The following STXBP5L variants were observed in gnomAD, a reference collection of about 807,000 sequenced individuals.
The protein encoded by STXBP5L is syntaxin-binding protein 5-like.
A neutral mutation model predicts 144.5 loss-of-function variants in STXBP5L; 65 were observed. That is an observed-to-expected ratio of 0.45 (90% confidence interval 0.37 to 0.55). STXBP5L has a LOEUF of 0.55. STXBP5L is among the 20% of genes least tolerant of loss of function. STXBP5L has a pLI of 0.00. For synonymous variants in STXBP5L, 505 were observed against 469.6 expected, an observed-to-expected ratio of 1.08 and a Z score of -0.97; for missense variants, 1,298 against 1,405.5, an observed-to-expected ratio of 0.92 and a Z score of 1.22.
intron 22 of STXBP5L, among the ~76,000 whole-genome samples, chr3:121,393,191 A>AT (rs35499185): frequency 0.41 from 60,153 of 145,412 alleles, 12,404 homozygotes; most frequent in South Asian, 0.52. Flanking sequence ...GATGTTGAAC[A>AT]TTTTTTTTTT....
chr3:120,974,674 A>C (rs996098691), intron 3 of STXBP5L, among the ~76,000 whole-genome samples: 1 of 152,142 alleles, frequency 6.6e-6, no homozygotes, highest in Non-Finnish European at 1.5e-5. Flanking sequence ...TTATGGTTTT[A>C]GGTCTGACGT....
chr3:121,228,049 A>G (rs1220433920), intron 11 of STXBP5L, among the ~76,000 whole-genome samples: 1 of 152,220 alleles, frequency 6.6e-6, no homozygotes, highest in Non-Finnish European at 1.5e-5. Flanking sequence ...CCTGCCAAAG[A>G]TGTTAAAAAT....
At chr3:121,357,061 C>T (rs745445677) in intron 20 of STXBP5L, 27 of 190,462 alleles carry the variant, frequency 1.4e-4, no homozygotes, top group Non-Finnish European at 2.6e-4. Flanking sequence ...ACCCAAATTG[C>T]CCTTGGCCTG....
intron 19 of STXBP5L, among the ~76,000 whole-genome samples, chr3:121,298,885 T>C (rs959590865): frequency 3.3e-5 from 5 of 152,118 alleles, no homozygotes; most frequent in African/African-American, 9.7e-5. Context: ...CACTGAAAAA[T>C]TTGTTTAGAA....
At chr3:121,081,273 C>A (rs2042237123) in intron 5 of STXBP5L, among the ~76,000 whole-genome samples, 1 of 151,932 alleles carries the variant, frequency 6.6e-6, no homozygotes, top group South Asian at 2.1e-4. Context: ...TAAAAAATTT[C>A]TTTGTGTTGT....
intron 6 of STXBP5L, among the ~76,000 whole-genome samples, chr3:121,116,616 T>TA (rs1390774191): frequency 3.3e-5 from 5 of 152,092 alleles, no homozygotes; most frequent in Non-Finnish European, 7.4e-5. Flanking sequence ...GCTATTGACT[T>TA]ACAACTTTCA....
chr3:121,111,923 T>A (rs1559759620), intron 5 of STXBP5L, among the ~76,000 whole-genome samples: 1 of 152,050 alleles, frequency 6.6e-6, no homozygotes, highest in Non-Finnish European at 1.5e-5. Context: ...AATCCCTAGC[T>A]GGAGTTTCTG....
chr3:121,191,136 G>T (rs928165663), intron 9 of STXBP5L, among the ~76,000 whole-genome samples: 44 of 152,212 alleles, frequency 2.9e-4, no homozygotes, highest in Admixed American at 2.0e-3. Context: ...TCTAGACAGG[G>T]TGGCGGCCGG....
chr3:121,107,053 T>C (rs2043746462), intron 5 of STXBP5L, among the ~76,000 whole-genome samples: 1 of 152,168 alleles, frequency 6.6e-6, no homozygotes, highest in Non-Finnish European at 1.5e-5. Context: ...TGGAGAAGTT[T>C]CTGTTCATGT....
intron 20 of STXBP5L, among the ~76,000 whole-genome samples, chr3:121,353,716 T>C (rs1236461167): frequency 1.3e-5 from 2 of 152,226 alleles, no homozygotes; most frequent in Non-Finnish European, 2.9e-5. Context: ...ATTTCCTGCC[T>C]TCTGCTAGCT....
intron 20 of STXBP5L, among the ~76,000 whole-genome samples, chr3:121,367,669 T>C (rs187306819): frequency 6.7e-6 from 1 of 148,152 alleles, no homozygotes; most frequent in East Asian, 2.0e-4. Context: ...AGTGGCCTGA[T>C]TGATCATGGC....
At chr3:120,977,080 G>A (rs974112711) in intron 3 of STXBP5L, among the ~76,000 whole-genome samples, 2 of 152,186 alleles carry the variant, frequency 1.3e-5, no homozygotes, top group African/African-American at 4.8e-5. Context: ...GCAGAGCTGA[G>A]TTCAATTCCT....
chr3:121,051,329 G>C (rs912066226), intron 5 of STXBP5L, among the ~76,000 whole-genome samples: 1 of 151,956 alleles, frequency 6.6e-6, no homozygotes, highest in Non-Finnish European at 1.5e-5. Context: ...TGACCACATA[G>C]TTGGAAGTAA....
intron 9 of STXBP5L, among the ~76,000 whole-genome samples, chr3:121,183,393 C>T (rs1413669046): frequency 6.6e-6 from 1 of 152,038 alleles, no homozygotes; most frequent in African/African-American, 2.4e-5. Context: ...CCTAGAAAAC[C>T]GTAAAGACTA....
intron 12 of STXBP5L, among the ~76,000 whole-genome samples, chr3:121,236,800 A>C (rs755536079): frequency 6.6e-6 from 1 of 152,242 alleles, no homozygotes; most frequent in Non-Finnish European, 1.5e-5. Flanking sequence ...ACACAAAGTA[A>C]GTTACTTTCA....
chr3:120,944,886 A>C (rs1710766160), intron 2 of STXBP5L, among the ~76,000 whole-genome samples: 1 of 151,812 alleles, frequency 6.6e-6, no homozygotes, highest in Non-Finnish European at 1.5e-5. Flanking sequence ...AGATGACATC[A>C]GATTTAGGTA....
At chr3:121,338,664 GA>G (rs896378106) in intron 20 of STXBP5L, among the ~76,000 whole-genome samples, 2 of 147,006 alleles carry the variant, frequency 1.4e-5, no homozygotes, top group Admixed American at 6.9e-5. Context: ...AAAAGAGAAA[GA>G]AAAAAAGAAA....
At chr3:121,270,981 A>G (rs2050718611) in intron 18 of STXBP5L, among the ~76,000 whole-genome samples, 1 of 152,226 alleles carries the variant, frequency 6.6e-6, no homozygotes, top group Non-Finnish European at 1.5e-5. Flanking sequence ...TGTTAAGGTG[A>G]TATCTACCAG....
chr3:121,084,975 C>CT (rs907617433), intron 5 of STXBP5L, among the ~76,000 whole-genome samples: 73 of 150,942 alleles, frequency 4.8e-4, no homozygotes, highest in Middle Eastern at 3.2e-3. Flanking sequence ...ATGATGTTGA[C>CT]TTTTTTTTTC....
Sources: allele counts gnomAD v4.1 joint callset (sites outside exome capture counted in the v4.1 genomes callset), GRCh38; gene constraint gnomAD v4.1.1; transcripts MANE v1.5; gene names NCBI Gene and HGNC (gene_info 2026-07-23, HGNC 2026-07-21).